ZNF563: variants seen among roughly 807,000 people sequenced by gnomAD.
The protein encoded by ZNF563 is zinc finger protein 563.
ZNF563 carries 39 observed loss-of-function variants against 48.5 expected under a neutral mutation model. That is an observed-to-expected ratio of 0.80 (90% CI 0.62 to 1.05). The LOEUF (loss-of-function observed/expected upper bound fraction) is 1.05, where lower values mean the gene tolerates loss of function less well. Ranked by LOEUF, ZNF563 falls within the 50% of genes least tolerant of loss-of-function variation. The probability of loss-of-function intolerance (pLI) is 0.00; values close to 1 mark genes in which losing one functional copy is unlikely to be tolerated. For synonymous variants in ZNF563, 168 were observed against 187.9 expected (o/e 0.89, Z 0.87); for missense variants, 538 against 597.0 (o/e 0.90, Z 1.03).
At chr19:12,321,189 G>T in intron 3 of ZNF563, 83 bp downstream of exon 3, 1 of 978,100 alleles carries the variant, frequency 1.0e-6, no homozygotes, top group Non-Finnish European at 1.5e-6. Flanking sequence ...AGCTGGACTT[G>T]TTCATTTTCT....
At position 12,319,459 on chromosome 19, in the gene ZNF563, A is replaced by G; in HGVS notation, c.566T>C (p.Val189Ala). 1 of 1,614,186 alleles carries G rather than the reference A, an allele frequency of 6.2e-7. No homozygotes were observed. The highest frequency in any genetic ancestry group is 1.1e-5 in the South Asian group (1 of 91,080). Residue 189 changes from valine (V) to alanine (A), a missense_variant, in exon 4 of 4, where the codon GTA becomes GCA. Physicochemically the swap from Val to Ala is moderately conservative, Grantham distance 64. Coordinates refer to ENST00000293725, the MANE Select transcript of ZNF563 (RefSeq NM_145276.3). Reference sequence around the variant, plus strand: ...ATAAGGTCTATTTCCACCTTGCACTACCATGTGTCTTCGAAGGTTTCTACG... The same window carrying G: ...ATAAGGTCTATTTCCACCTTGCACTGCCATGTGTCTTCGAAGGTTTCTACG... Reference protein sequence around the residue: ...SSRRNLRRHMVVQGGNRPYKC... With the variant: ...SSRRNLRRHMAVQGGNRPYKC...
At chr19:12,330,612 G>A (rs1383392597) in intron 1 of ZNF563, among the ~76,000 whole-genome samples, 2 of 152,178 alleles carry the variant, frequency 1.3e-5, no homozygotes, top group African/African-American at 2.4e-5. Context: ...TTTAAGGTAT[G>A]AGAAACTATG....
the ZNF563 span, among the ~76,000 whole-genome samples, chr19:12,344,850 C>T: frequency 1.3e-5 from 2 of 152,096 alleles, no homozygotes; most frequent in African/African-American, 2.4e-5. Flanking sequence ...TAAAATTTTA[C>T]AGCTTATAAA....
At chr19:12,329,405 G>A (rs1299851839) in intron 1 of ZNF563, among the ~76,000 whole-genome samples, 1 of 149,882 alleles carries the variant, frequency 6.7e-6, no homozygotes, top group African/African-American at 2.5e-5. Context: ...CCCGGGAAGC[G>A]CAGGTTGCAG....
At chr19:12,345,367 C>T in the ZNF563 span, among the ~76,000 whole-genome samples, 1 of 152,148 alleles carries the variant, frequency 6.6e-6, no homozygotes, top group South Asian at 2.1e-4. Context: ...CAGTATGGTA[C>T]TGGCATAAAG....
chr19:12,327,160 C>T (rs546424497), intron 1 of ZNF563, among the ~76,000 whole-genome samples: 3 of 152,042 alleles, frequency 2.0e-5, no homozygotes, highest in Middle Eastern at 3.4e-3. Flanking sequence ...AAATCAAAGA[C>T]GGAAATAGAG....
chr19:12,340,509 C>G, the ZNF563 span, among the ~76,000 whole-genome samples: 2 of 152,138 alleles, frequency 1.3e-5, no homozygotes, highest in Admixed American at 1.3e-4. Flanking sequence ...CATGATGGCT[C>G]ATGCCTGTAA....
At chr19:12,336,009 A>G (rs1002283682), upstream of ZNF563, among the ~76,000 whole-genome samples, 2 of 152,228 alleles carry the variant, frequency 1.3e-5, no homozygotes, top group Non-Finnish European at 2.9e-5. Context: ...CCTCTGTAAG[A>G]GTCTTCACTT....
upstream of ZNF563, chr19:12,333,658 G>A: frequency 3.3e-6 from 3 of 906,634 alleles, no homozygotes; most frequent in Non-Finnish European, 4.7e-6. Context: ...GCGCAGGGGC[G>A]TGAAGACGCC....
the ZNF563 span, among the ~76,000 whole-genome samples, chr19:12,339,756 T>C: frequency 2.6e-5 from 4 of 152,224 alleles, no homozygotes; most frequent in Non-Finnish European, 5.9e-5. Flanking sequence ...AGGGAGAATA[T>C]TTTGAGAAAT....
chr19:12,339,107 C>T, the ZNF563 span, among the ~76,000 whole-genome samples: 6 of 152,002 alleles, frequency 3.9e-5, no homozygotes, highest in Non-Finnish European at 8.8e-5. Context: ...GGCTCCAGGA[C>T]ATCTCGTTGT....
chr19:12,328,299 C>T, intron 1 of ZNF563, among the ~76,000 whole-genome samples: 1 of 152,178 alleles, frequency 6.6e-6, no homozygotes, highest in Admixed American at 6.5e-5. Flanking sequence ...ATAGTGAGAC[C>T]TTGTCTCTAT....
At chr19:12,319,864 A>C in intron 3 of ZNF563, 31 bp from the exon 4 acceptor site, 2 of 1,567,886 alleles carry the variant, frequency 1.3e-6, no homozygotes, top group South Asian at 2.4e-5. Context: ...GTTACTAAAT[A>C]GTTGTTTCTA....
chr19:12,343,856 G>C, the ZNF563 span, among the ~76,000 whole-genome samples: 1 of 148,748 alleles, frequency 6.7e-6, no homozygotes, highest in African/African-American at 2.5e-5. Context: ...TCAGCCTCCC[G>C]AGTATCTAGG....
upstream of ZNF563, among the ~76,000 whole-genome samples, chr19:12,338,660 C>A (rs1969043622): frequency 6.6e-6 from 1 of 152,056 alleles, no homozygotes; most frequent in Non-Finnish European, 1.5e-5. Context: ...TCGAGACCCA[C>A]CTGACCAACA....
chr19:12,325,132 A>C (rs1351771291), intron 1 of ZNF563, among the ~76,000 whole-genome samples: 1 of 152,182 alleles, frequency 6.6e-6, no homozygotes, highest in Non-Finnish European at 1.5e-5. Flanking sequence ...ATGCTGAAAA[A>C]TGGTGCAAAA....
chr19:12,343,785 C>G, the ZNF563 span, among the ~76,000 whole-genome samples: 13 of 133,280 alleles, frequency 9.8e-5, no homozygotes, highest in Non-Finnish European at 1.5e-5. Context: ...GGCTGGAGTA[C>G]AGTGGCGCGA....
rs537084695 is a variant in ZNF563, at chr19:12,332,931, C to T, written c.3+549G>A. Among the ~76,000 whole-genome samples, 6 of 152,324 alleles carry T rather than the reference C, an allele frequency of 3.9e-5. No homozygotes were observed. In the South Asian group the frequency reaches 1.2e-3, roughly 32 times the overall value. On this transcript the variant is annotated intron_variant, in intron 1 of 3. Transcript: ENST00000293725. ...ACCGGCCCAGATAGCAGTCGTTCCC[C>T]TGTGACGGAGAGGAAGTCAGCTTTA...
At chr19:12,333,438 A>G (rs199631170) in intron 1 of ZNF563, 42 bp downstream of exon 1, 1 of 1,612,682 alleles carries the variant, frequency 6.2e-7, no homozygotes, top group East Asian at 2.2e-5. Context: ...GGTTCCAACC[A>G]GCTCTTTCCC....
Sources: gnomAD v4.1 joint callset for allele counts (sites outside exome capture counted in the v4.1 genomes callset) on GRCh38, gnomAD v4.1.1 for gene constraint, MANE v1.5 for transcripts, NCBI Gene and HGNC (gene_info 2026-07-23, HGNC 2026-07-21) for gene names.